Variants in PCDHGA7 observed in about 807,000 individuals in gnomAD.
PCDHGA7 encodes protocadherin gamma-A7.
In PCDHGA7, 44 loss-of-function variants were observed where a neutral mutation model predicts 58.3. The ratio of observed to expected loss-of-function variants is 0.75; its 90% confidence interval spans 0.59 to 0.97. The LOEUF is 0.97. Among genes scored for constraint, PCDHGA7 ranks in the 50% least tolerant of loss-of-function variants. The pLI is 0.00. For missense variants in PCDHGA7, 1,266 were observed against 1,188.7 expected, an observed-to-expected ratio of 1.06 and a Z score of -0.96; for synonymous variants, 516 against 504.2, an observed-to-expected ratio of 1.02 and a Z score of -0.31.
At chr5:141,473,229 T>G (rs891825934) in intron 1 of PCDHGA7, among the ~76,000 whole-genome samples, 8 of 152,160 alleles carry the variant, frequency 5.3e-5, no homozygotes, top group Admixed American at 1.3e-4. Context: ...GGAGATTGGA[T>G]CCACACAAGT....
chr5:141,434,784 A>C (rs967716221), intron 1 of PCDHGA7, among the ~76,000 whole-genome samples: 1 of 150,278 alleles, frequency 6.7e-6, no homozygotes, highest in African/African-American at 2.5e-5. Flanking sequence ...AAAAAAAAAA[A>C]TTTTTTTTTC....
At chr5:141,492,163 C>T (rs921256341) in intron 1 of PCDHGA7, among the ~76,000 whole-genome samples, 22 of 152,232 alleles carry the variant, frequency 1.4e-4, no homozygotes, top group African/African-American at 5.3e-4. Context: ...CCTCCCTATC[C>T]CCGCATCACC....
chr5:141,441,737 C>CG, intron 1 of PCDHGA7: 1 of 365,242 alleles, frequency 2.7e-6, no homozygotes, highest in South Asian at 2.2e-5. Flanking sequence ...AGGACTAGCT[C>CG]GCGCTCGGCG....
intron 1 of PCDHGA7, among the ~76,000 whole-genome samples, chr5:141,474,747 A>AGACAAATAT (rs1447050692): frequency 6.6e-6 from 1 of 152,264 alleles, no homozygotes; most frequent in African/African-American, 2.4e-5. Context: ...GTGATGTCCA[A>AGACAAATAT]GACAAATATA....
Position 141,486,032 on chromosome 5 carries a change from G to C in PCDHGA7, c.2425-8775G>C, listed in dbSNP as rs560909128. The C allele has an allele frequency of 1.2e-6, 2 of 1,614,166 alleles. No individual in the cohort carries two copies. Among genetic ancestry groups the C allele is most frequent in the African/African-American group, 2.7e-5 (2 of 75,034 alleles). On this transcript the variant is annotated intron_variant, in intron 1 of 3. Transcript: ENST00000518325. This position sits in a 1 kb window ranked among gnomAD's most constrained non-coding sequence, Gnocchi z 5.0. ...CTTTTATTTCAGTGGTCATACCCCT[G>C]ATCGTGTAAGAAACCTCTTTAGCCT... is the stretch of plus-strand genomic sequence containing the variant.
chr5:141,498,725 A>AGT (rs2099785409), intron 2 of PCDHGA7, among the ~76,000 whole-genome samples: 1 of 152,150 alleles, frequency 6.6e-6, no homozygotes, highest in Non-Finnish European at 1.5e-5. Flanking sequence ...TGAGGTCAGG[A>AGT]GTTTGAGACC....
In PCDHGA7 at chr5:141,382,944, G is replaced by T. The variant is rs375823415; in HGVS notation, c.45G>T (p.Leu15=). ...GCGGGGACTACAGAGGATTCTTCCTGCTCTCCATCCTCCTGGGGACCCCCT... is the reference window on the plus strand; with the variant it reads ...GCGGGGACTACAGAGGATTCTTCCTTCTCTCCATCCTCCTGGGGACCCCCT... The part of the protein sequence containing the change: ...PRGGDYRGFF[L]LSILLGTPWE... Residue 15 remains leucine, a synonymous_variant, in exon 1 of 4, where the codon CTG becomes CTT. Transcript: ENST00000518325. 7.9e-5 allele frequency: 126 copies of T among 1,596,768 alleles called. No individual in the cohort carries two copies. Among genetic ancestry groups the T allele is most frequent in the Non-Finnish European group, 1.0e-4 (120 of 1,169,462 alleles).
chr5:141,426,970 A>G (rs772659046), intron 1 of PCDHGA7: 1 of 456,742 alleles, frequency 2.2e-6, no homozygotes. Context: ...ATTCAAATTG[A>G]GGTCACTGAT....
Position 141,432,433 on chromosome 5 carries a change from T to C in PCDHGA7, c.2424+47110T>C, listed in dbSNP as rs760107558. 10 of 1,613,996 alleles carry C rather than the reference T, an allele frequency of 6.2e-6. No individual in the cohort carries two copies. The South Asian group carries it at 8.8e-5, about 14-fold the overall frequency. ...TGTTCGTGCTGGACCAGAACGACAA[T>C]GCGCCCGAGATCCTGTACCCCGCCC... On this transcript the variant is annotated intron_variant, in intron 1 of 3. Transcript: ENST00000518325. This position sits in a 1 kb window ranked among gnomAD's most constrained non-coding sequence, Gnocchi z 6.0.
chr5:141,423,177 C>G (rs748689237), intron 1 of PCDHGA7: 7 of 1,613,430 alleles, frequency 4.3e-6, no homozygotes, highest in Non-Finnish European at 5.1e-6. Context: ...TCCAGGACCA[C>G]GGCCAGCCCC....
At position 141,477,706 on chromosome 5, in the gene PCDHGA7, G is replaced by A. The variant is rs1490514142; in HGVS notation, c.2425-17101G>A. 6 of 1,613,988 alleles carry A rather than the reference G, an allele frequency of 3.7e-6. No homozygotes were observed. Among genetic ancestry groups the A allele is most frequent in the Non-Finnish European group, 5.1e-6 (6 of 1,180,044 alleles). ...TAGTGCCCCTAGACTATGAGGATCGGCGGGAATTTGAATTAACAGCTCATA... is the reference window on the plus strand; with the variant it reads ...TAGTGCCCCTAGACTATGAGGATCGACGGGAATTTGAATTAACAGCTCATA... On this transcript the variant is annotated intron_variant, in intron 1 of 3. Transcript: ENST00000518325. This position sits in a 1 kb window ranked among gnomAD's most constrained non-coding sequence, Gnocchi z 4.9.
intron 1 of PCDHGA7, chr5:141,388,068 C>T (rs562398369): frequency 8.0e-6 from 11 of 1,373,194 alleles, no homozygotes; most frequent in Non-Finnish European, 1.1e-5. Flanking sequence ...CCAGGAGTTA[C>T]CGACTCGAAA....
At chr5:141,473,682 G>A (rs2099326903) in intron 1 of PCDHGA7, among the ~76,000 whole-genome samples, 1 of 152,186 alleles carries the variant, frequency 6.6e-6, no homozygotes, top group Admixed American at 6.5e-5. Context: ...GGGAAGGGCT[G>A]GGGTTCTGAC....
At position 141,415,074 on chromosome 5, in the gene PCDHGA7, G is replaced by C; in HGVS notation, c.2424+29751G>C. 3 of 1,613,448 alleles carry C rather than the reference G, an allele frequency of 1.9e-6. No homozygotes were observed. In the South Asian group the frequency reaches 3.3e-5, roughly 18 times the overall value. On this transcript the variant is annotated intron_variant, in intron 1 of 3. Coordinates refer to ENST00000518325, the MANE Select transcript of PCDHGA7 (RefSeq NM_018920.4). ...AGCACACGGGCGAGGTGCGCACGGCGCGAGCCCTGCTGGACAGAGACGCGC... is the reference window on the plus strand; with the variant it reads ...AGCACACGGGCGAGGTGCGCACGGCCCGAGCCCTGCTGGACAGAGACGCGC...
rs528371675 is a variant in PCDHGA7 at position 141,389,403 on chromosome 5, G to T, written c.2424+4080G>T. 18 of 1,613,628 alleles carry T rather than the reference G, an allele frequency of 1.1e-5. No individual in the cohort carries two copies. The African/African-American group carries it at 2.4e-4, about 21-fold the overall frequency. On this transcript the variant is annotated intron_variant, in intron 1 of 3. Transcript: ENST00000518325. The stretch of plus-strand genomic sequence containing the variant: ...GCTGTCATCCTACGTGTCCATAAGC[G>T]CGGAGAGCGGGGTGGTGTTCGCGCA...
intron 1 of PCDHGA7, chr5:141,399,003 A>C: frequency 6.2e-7 from 1 of 1,613,966 alleles, no homozygotes; most frequent in East Asian, 2.2e-5. Context: ...GTCTGAATTC[A>C]AAGAGCGGAG....
rs376819906 is a variant in PCDHGA7 at position 141,418,227 on chromosome 5, T to C, written c.2424+32904T>C. On this transcript the variant is annotated intron_variant, in intron 1 of 3. Transcript: ENST00000518325. ...AATATTTTTCATGTCATTGTGGTGA[T>C]TGAGGATGTTAATGACCACGCCCCT... The C allele has an allele frequency of 6.8e-6, 11 of 1,613,856 alleles. No homozygotes were observed. In the South Asian group the frequency reaches 7.7e-5, roughly 11 times the overall value.
rs187177915 is a variant in PCDHGA7 at position 141,472,338 on chromosome 5, G to A, written c.2425-22469G>A. ...AGGCAGATCACGAGGTTGGGAGATC[G>A]AGACCATCCTGGCTAACACGGTGAA... On this transcript the variant is annotated intron_variant, in intron 1 of 3. Transcript: ENST00000518325. Among the ~76,000 whole-genome samples, 23 of 151,526 alleles carry A rather than the reference G, an allele frequency of 1.5e-4. No homozygotes were observed. The East Asian group carries it at 3.2e-3, about 21-fold the overall frequency.
chr5:141,493,694 G>A lies in PCDHGA7; in HGVS notation c.2425-1113G>A, dbSNP rs929897875. On this transcript the variant is annotated intron_variant, in intron 1 of 3. Transcript: ENST00000518325. This position sits in a 1 kb window ranked among gnomAD's most constrained non-coding sequence, Gnocchi z 4.3. ...CCCCAGAATGGTGCTGGTGACTCCC[G>A]ATACACCTGGAATGCTAGGTTTCTG... Among the ~76,000 whole-genome samples the A allele has an allele frequency of 5.9e-5, 9 of 152,130 alleles. No individual in the cohort carries two copies. Among genetic ancestry groups the A allele is most frequent in the African/African-American group, 9.7e-5 (4 of 41,404 alleles).
Sources: allele counts gnomAD v4.1 joint callset (sites outside exome capture counted in the v4.1 genomes callset), GRCh38; gene constraint gnomAD v4.1.1; non-coding constraint Gnocchi (gnomAD v3.1); transcripts MANE v1.5; gene names NCBI Gene and HGNC (gene_info 2026-07-23, HGNC 2026-07-21).